The following PIK3R5 variants were observed in gnomAD, a reference collection of about 807,000 sequenced individuals.
PIK3R5 encodes phosphoinositide 3-kinase regulatory subunit 5.
Under a neutral mutation model 94.9 loss-of-function variants are expected in PIK3R5, and 32 were observed. That is an observed-to-expected ratio of 0.34 (90% CI 0.25 to 0.45). The LOEUF is 0.45. PIK3R5 is among the 20% of genes least tolerant of loss of function. The pLI, the probability that PIK3R5 is intolerant of heterozygous loss-of-function variation, is 1.00. For synonymous variants in PIK3R5, 443 were observed against 479.4 expected, an observed-to-expected ratio of 0.92 and a Z score of 0.99; for missense variants, 853 against 1,144.6, an observed-to-expected ratio of 0.75 and a Z score of 3.68.
At chr17:8,948,533 G>T (rs1176951537) in intron 1 of PIK3R5, among the ~76,000 whole-genome samples, 1 of 152,130 alleles carries the variant, frequency 6.6e-6, no homozygotes, top group Non-Finnish European at 1.5e-5. Context: ...ACAGAAGAGG[G>T]TGTCCAAATG....
At chr17:8,948,405 C>T (rs189002617) in intron 1 of PIK3R5, among the ~76,000 whole-genome samples, 86 of 152,256 alleles carry the variant, frequency 5.6e-4, no homozygotes, top group African/African-American at 2.0e-3. Context: ...AGAAATCTCA[C>T]AGAGCTCGTG....
At chr17:8,944,857 C>T (rs951140302) in intron 1 of PIK3R5, among the ~76,000 whole-genome samples, 2 of 152,154 alleles carry the variant, frequency 1.3e-5, no homozygotes, top group Non-Finnish European at 2.9e-5. Context: ...ATCCAGGGAC[C>T]TACACCTAGG....
intron 1 of PIK3R5, among the ~76,000 whole-genome samples, chr17:8,958,280 CAAA>C (rs10716055): frequency 2.5e-4 from 33 of 131,714 alleles, no homozygotes; most frequent in African/African-American, 2.3e-4. Context: ...GAGACTGTCT[CAAA>C]AAAAAAAAAA....
At position 8,904,050 on chromosome 17, in the gene PIK3R5, T is replaced by C. The variant is rs1275914885; in HGVS notation, c.412+727A>G. ...AATCGTTTCCATATATTGAGGGGTT[T>C]TGAATATCAGGAATGATGATGAATT... On this transcript the variant is annotated intron_variant, in intron 5 of 18. Transcript: ENST00000447110. The surrounding 1 kb of genome is among the most constrained non-coding windows in gnomAD (Gnocchi z 5.1). Among the ~76,000 whole-genome samples the C allele has an allele frequency of 1.3e-5, 2 of 152,246 alleles. No homozygotes were observed. The highest frequency in any genetic ancestry group is 2.4e-5 in the African/African-American group (1 of 41,468).
rs930485456 is a variant in PIK3R5 at position 8,955,103 on chromosome 17, G to A, written c.-14+10493C>T. ...ACTGGTGTCTGAAGCCCTTGCAGTT[G>A]TGCACAGAAGACCAGTGATATGTCT... On this transcript the variant is annotated intron_variant, in intron 1 of 18. Coordinates refer to ENST00000447110, the MANE Select transcript of PIK3R5 (RefSeq NM_001142633.3). This position sits in a 1 kb window ranked among gnomAD's most constrained non-coding sequence, Gnocchi z 4.4. Among the ~76,000 whole-genome samples the A allele has an allele frequency of 9.2e-5, 14 of 152,156 alleles. No homozygotes were observed. Among genetic ancestry groups the A allele is most frequent in the African/African-American group, 3.4e-4 (14 of 41,414 alleles).
At chr17:8,910,810 G>T (rs904777220) in intron 2 of PIK3R5, among the ~76,000 whole-genome samples, 1 of 152,136 alleles carries the variant, frequency 6.6e-6, no homozygotes, top group Non-Finnish European at 1.5e-5. Context: ...TCACGGAGAA[G>T]TTAGGGAGGC....
At chr17:8,905,324 C>G (rs769815256) in intron 4 of PIK3R5, among the ~76,000 whole-genome samples, 10 of 54,494 alleles carry the variant, frequency 1.8e-4, no homozygotes, top group Non-Finnish European at 2.9e-4. Context: ...TTGATGCCCC[C>G]CTGTCTGGTG....
chr17:8,890,008 G>C lies in PIK3R5; in HGVS notation c.776C>G (p.Ala259Gly), dbSNP rs369083136. 3 of 1,613,712 alleles carry C rather than the reference G, an allele frequency of 1.9e-6. No individual in the cohort carries two copies. The highest frequency in any genetic ancestry group is 2.5e-6 in the Non-Finnish European group (3 of 1,179,960). The change falls in exon 8 of 19, where the codon GCG becomes GGG. Residue 259 changes from alanine to glycine, a missense_variant. Ala to Gly is a moderately conservative substitution (Grantham distance 60). Coordinates refer to ENST00000447110, the MANE Select transcript of PIK3R5 (RefSeq NM_001142633.3). The surrounding 1 kb of genome is among the most constrained non-coding windows in gnomAD (Gnocchi z 6.1). ...AGGGAAGCCAGCTTTTTCTCCCACCGCCTGCAGCTTGGTCCTGAGCCACCG... is the reference window on the plus strand; with the variant it reads ...AGGGAAGCCAGCTTTTTCTCCCACCCCCTGCAGCTTGGTCCTGAGCCACCG... The part of the protein sequence containing the change: ...ARRWLRTKLQ[A>G]VGEKAGFPGV...
chr17:8,886,290 C>A lies in PIK3R5; in HGVS notation c.2067G>T (p.Glu689Asp), dbSNP rs761821686. 1 of 1,613,760 alleles carries A rather than the reference C, an allele frequency of 6.2e-7. No individual in the cohort carries two copies. The change falls in exon 14 of 19, where the codon GAG (glutamate) becomes GAT (aspartate). Residue 689 changes from glutamate (E) to aspartate (D), a missense_variant. Physicochemically the swap from Glu to Asp is conservative, Grantham distance 45. Around this residue, in one of 6 missense-constraint regions of PIK3R5, gnomAD observed 173 missense variants for 274.1 expected, o/e 0.63. Transcript: ENST00000447110. The stretch of plus-strand genomic sequence containing the variant: ...CCAGCTCCAAGGAGTGGATGAAGAT[C>A]TCTGTCGTCTTCTCCCCAGTGATGA... Reference protein sequence around the residue: ...LTFITGEKTTEIFIHSLELGH... With the variant: ...LTFITGEKTTDIFIHSLELGH...
At chr17:8,928,864 T>C (rs757453807) in intron 1 of PIK3R5, among the ~76,000 whole-genome samples, 98 of 152,188 alleles carry the variant, frequency 6.4e-4, no homozygotes, top group Non-Finnish European at 1.9e-4. Context: ...AGATTTTCCT[T>C]CTCCTCTTGA....
At chr17:8,938,608 A>G (rs980996671) in intron 1 of PIK3R5, among the ~76,000 whole-genome samples, 2 of 152,262 alleles carry the variant, frequency 1.3e-5, no homozygotes, top group East Asian at 1.9e-4. Flanking sequence ...ATTCTGGACA[A>G]TTCATATAAA....
At chr17:8,964,015 G>C (rs918300661) in intron 1 of PIK3R5, among the ~76,000 whole-genome samples, 1 of 152,118 alleles carries the variant, frequency 6.6e-6, no homozygotes, top group African/African-American at 2.4e-5. Flanking sequence ...CCACAACGAG[G>C]AAACACGGAA....
At chr17:8,942,292 C>T (rs1156750985) in intron 1 of PIK3R5, among the ~76,000 whole-genome samples, 1 of 152,164 alleles carries the variant, frequency 6.6e-6, no homozygotes, top group Non-Finnish European at 1.5e-5. Context: ...CCTCTGCCGG[C>T]CTGACCCCAT....
intron 14 of PIK3R5, among the ~76,000 whole-genome samples, chr17:8,885,698 C>A (rs2089819202): frequency 8.8e-6 from 1 of 114,018 alleles, no homozygotes; most frequent in African/African-American, 3.8e-5. Flanking sequence ...TAGGTAACCC[C>A]GCCCTCCCAT....
chr17:8,922,317 G>C (rs1304529599), intron 1 of PIK3R5, among the ~76,000 whole-genome samples: 1 of 151,884 alleles, frequency 6.6e-6, no homozygotes, highest in Non-Finnish European at 1.5e-5. Flanking sequence ...CCATTGTCTT[G>C]GGAATTAACA....
chr17:8,964,396 T>TAAC (rs2091627022), intron 1 of PIK3R5, among the ~76,000 whole-genome samples: 1 of 151,926 alleles, frequency 6.6e-6, no homozygotes, highest in Non-Finnish European at 1.5e-5. Flanking sequence ...GTCTCAATAA[T>TAAC]AATAATAATA....
chr17:8,932,326 C>A (rs768285560), intron 1 of PIK3R5, among the ~76,000 whole-genome samples: 3 of 151,944 alleles, frequency 2.0e-5, no homozygotes, highest in Non-Finnish European at 4.4e-5. Flanking sequence ...CTCTGCCTCC[C>A]AGGTTTAAGC....
chr17:8,887,004 C>A, intron 12 of PIK3R5, 92 bp downstream of exon 12: 1 of 1,489,726 alleles, frequency 6.7e-7, no homozygotes, highest in Non-Finnish European at 9.1e-7. Context: ...CCATGGGGGC[C>A]TCAAGCCTGA....
chr17:8,885,074 T>TCCTG (rs2089783669), intron 14 of PIK3R5: 2 of 397,906 alleles, frequency 5.0e-6, no homozygotes, highest in East Asian at 1.1e-4. Flanking sequence ...CTTCCCAGGG[T>TCCTG]CCTGCCTCTC....
Sources: gnomAD v4.1 joint callset for allele counts (sites outside exome capture counted in the v4.1 genomes callset) on GRCh38, gnomAD v4.1.1 for gene constraint, gnomAD v4.1.1 regional missense constraint, Gnocchi (gnomAD v3.1) non-coding constraint, MANE v1.5 for transcripts, NCBI Gene and HGNC (gene_info 2026-07-23, HGNC 2026-07-21) for gene names.